The following KXD1 variants were observed in gnomAD, a reference collection of about 807,000 sequenced individuals.
KXD1 encodes KxDL motif containing 1.
A neutral mutation model predicts 12.1 loss-of-function variants in KXD1; 5 were observed. That is an observed-to-expected ratio of 0.41 (90% CI 0.22 to 0.87). The LOEUF is 0.87. Ranked by LOEUF, KXD1 falls within the 40% of genes least tolerant of loss-of-function variation. The pLI, the probability that KXD1 is intolerant of heterozygous loss-of-function variation, is 0.31. For missense variants in KXD1, 193 were observed against 244.9 expected (o/e 0.79, Z 1.41); for synonymous variants, 98 against 100.5 (o/e 0.98, Z 0.15).
intron 1 of KXD1, chr19:18,558,154 C>T (rs897326789): frequency 6.6e-6 from 1 of 152,562 alleles, no homozygotes; most frequent in Non-Finnish European, 1.5e-5. Context: ...ATTGGGGCCT[C>T]CTGTGTTCTG....
intron 1 of KXD1, among the ~76,000 whole-genome samples, chr19:18,560,947 C>T: frequency 6.6e-6 from 1 of 151,926 alleles, no homozygotes; most frequent in African/African-American, 2.4e-5. Context: ...CCTCGTGATC[C>T]ACCTGCCTCG....
intron 1 of KXD1, chr19:18,559,360 G>A (rs1977043993): frequency 6.6e-6 from 1 of 152,108 alleles, no homozygotes; most frequent in African/African-American, 2.4e-5. Flanking sequence ...TGTCATAGGA[G>A]TTCAATAACC....
chr19:18,560,607 G>C (rs914534635), intron 1 of KXD1: 1 of 152,204 alleles, frequency 6.6e-6, no homozygotes, highest in African/African-American at 2.4e-5. Context: ...CGTCAGAGCT[G>C]AGTTTGAAAA....
Position 18,562,702 on chromosome 19 carries a change from T to C in KXD1, c.101+545T>C, listed in dbSNP as rs1261202695. Among the ~76,000 whole-genome samples, 5 of 152,350 alleles carry C rather than the reference T, an allele frequency of 3.3e-5. No individual in the cohort carries two copies. In the East Asian group the frequency reaches 5.8e-4, roughly 18 times the overall value. ...GTCTCGAACTCCTGACCTCAAGTGA[T>C]CCACCCGCCTCGGCCTCCCGAAGTC... On this transcript the variant is annotated intron_variant, in intron 2 of 4. Transcript: ENST00000222307.
Position 18,568,573 on chromosome 19 carries a change from G to A in KXD1, c.473G>A (p.Gly158Asp). 1.2e-6 allele frequency: 2 copies of A among 1,613,436 alleles called. No individual in the cohort carries two copies. Among genetic ancestry groups the A allele is most frequent in the Middle Eastern group, 1.6e-4 (1 of 6,062 alleles). The part of the protein sequence containing the change: ...GFEDLSHVQP[G>D]SPAINGRSQT... ...GAGGACCTGTCCCATGTCCAGCCTG[G>A]CTCCCCAGCCATCAACGGCCGCAGC... The change falls in exon 5 of 5, where the codon GGC becomes GAC. Residue 158 changes from glycine to aspartate, a missense_variant. Transcript: ENST00000222307.
chr19:18,565,230 GTT>G (rs752046179), intron 3 of KXD1: 8,911 of 1,067,130 alleles, frequency 8.4e-3, no homozygotes, highest in South Asian at 0.017. Context: ...TCGAGACAGA[GTT>G]TTTTTTTTTT....
chr19:18,566,919 T>A (rs537227528), intron 3 of KXD1, among the ~76,000 whole-genome samples: 135 of 152,330 alleles, frequency 8.9e-4, no homozygotes, highest in Admixed American at 1.9e-3. Context: ...GGTGCCTACC[T>A]TGGGGCTGGA....
intron 3 of KXD1, among the ~76,000 whole-genome samples, chr19:18,566,792 C>CAAA (rs112810621): frequency 8.8e-6 from 1 of 113,712 alleles, no homozygotes; most frequent in Non-Finnish European, 1.9e-5. Context: ...GATTCTGTCT[C>CAAA]AAAAAAAAAA....
At position 18,562,068 on chromosome 19, in the gene KXD1, G is replaced by A. The variant is rs555433107; in HGVS notation, c.12G>A (p.Pro4=). The stretch of plus-strand genomic sequence containing the variant: ...AGGAGGAGAAAGAGATGGACCTCCC[G>A]GACTCGGCCTCGAGGGTCTTCTGCG... MDL[P]DSASRVFCGR... is the part of the protein sequence containing the mutation. Residue 4 remains proline (P), a synonymous_variant, in exon 2 of 5, where the codon CCG becomes CCA. Coordinates refer to ENST00000222307, the MANE Select transcript of KXD1 (RefSeq NM_024069.4). 23 of 1,612,704 alleles carry A rather than the reference G, an allele frequency of 1.4e-5. No individual in the cohort carries two copies. The highest frequency in any genetic ancestry group is 1.2e-4 in the African/African-American group (9 of 75,002).
intron 1 of KXD1, 132 bp from the exon 2 acceptor site, chr19:18,561,904 C>T: frequency 3.7e-6 from 2 of 536,076 alleles, no homozygotes; most frequent in East Asian, 6.8e-5. Context: ...GACTGAGCCA[C>T]AGTCACACAT....
intron 1 of KXD1, chr19:18,558,980 T>A: frequency 3.3e-5 from 1 of 30,312 alleles, no homozygotes; most frequent in Admixed American, 3.7e-4. Flanking sequence ...GGTGTCTTTT[T>A]TTTTTTTTTT....
chr19:18,559,061 CATT>C (rs1261853094), intron 1 of KXD1: 1 of 138,370 alleles, frequency 7.2e-6, no homozygotes, highest in East Asian at 2.3e-4. Flanking sequence ...GATTTTGGCT[CATT>C]GCAACCTCTG....
chr19:18,558,548 G>A (rs1035922398), intron 1 of KXD1: 1 of 152,158 alleles, frequency 6.6e-6, no homozygotes, highest in Non-Finnish European at 1.5e-5. Flanking sequence ...TGGAGAAACA[G>A]CCTGTCCTGA....
chr19:18,567,760 C>T (rs895061371), intron 4 of KXD1, among the ~76,000 whole-genome samples: 3 of 152,196 alleles, frequency 2.0e-5, no homozygotes, highest in African/African-American at 7.2e-5. Flanking sequence ...AAAAGGCCGA[C>T]AGCTCTCCAT....
At chr19:18,558,341 C>G (rs571826459) in intron 1 of KXD1, 1 of 152,300 alleles carries the variant, frequency 6.6e-6, no homozygotes, top group Admixed American at 6.5e-5. Flanking sequence ...TGGTGCTTCT[C>G]TGCCTCTCCC....
At chr19:18,558,483 A>G (rs1977006218) in intron 1 of KXD1, 1 of 152,090 alleles carries the variant, frequency 6.6e-6, no homozygotes, top group East Asian at 1.9e-4. Flanking sequence ...ATATTCTTAG[A>G]GGCCCCTGGG....
At chr19:18,564,580 G>A (rs1324761478) in intron 2 of KXD1, among the ~76,000 whole-genome samples, 3 of 152,118 alleles carry the variant, frequency 2.0e-5, no homozygotes, top group South Asian at 2.1e-4. Flanking sequence ...CCGAGATCGC[G>A]CCACTGCACT....
chr19:18,566,114 A>G (rs1442221871), intron 3 of KXD1, among the ~76,000 whole-genome samples: 1 of 151,900 alleles, frequency 6.6e-6, no homozygotes, highest in Non-Finnish European at 1.5e-5. Flanking sequence ...TATAGGCATG[A>G]GCCATCATGC....
At chr19:18,563,386 G>A (rs1340305931) in intron 2 of KXD1, among the ~76,000 whole-genome samples, 4 of 140,204 alleles carry the variant, frequency 2.9e-5, no homozygotes, top group East Asian at 2.1e-4. Flanking sequence ...TCACTCTGTC[G>A]CCCAGGCTGG....
Sources: allele counts gnomAD v4.1 joint callset (sites outside exome capture counted in the v4.1 genomes callset), GRCh38; gene constraint gnomAD v4.1.1; transcripts MANE v1.5; gene names NCBI Gene and HGNC (gene_info 2026-07-23, HGNC 2026-07-21).